The following ITPRID2 variants were observed in gnomAD, a reference collection of about 807,000 sequenced individuals.
ITPRID2 encodes protein ITPRID2.
ITPRID2 carries 60 observed loss-of-function variants against 124.3 expected under a neutral mutation model. The observed-to-expected ratio is 0.48, with a 90% CI of 0.39 to 0.60. The LOEUF (loss-of-function observed/expected upper bound fraction) is 0.60, where lower values mean the gene tolerates loss of function less well. ITPRID2 is among the 20% of genes least tolerant of loss of function. ITPRID2 has a pLI of 0.00. For missense variants in ITPRID2, 1,553 were observed against 1,512.2 expected, an observed-to-expected ratio of 1.03 and a Z score of -0.45; for synonymous variants, 521 against 542.9, an observed-to-expected ratio of 0.96 and a Z score of 0.56.
chr2:181,916,295 C>G lies in ITPRID2; in HGVS notation c.2655C>G (p.Phe885Leu). The change falls in exon 11 of 18, where the codon TTC becomes TTG. Residue 885 changes from phenylalanine (F) to leucine (L), a missense_variant. By Grantham distance (22) the Phe-to-Leu change is conservative. Transcript: ENST00000431877. ...GATCSAFASP[F>L]GCPYSHRHAT... ...CTTGTAGTGCCTTCGCTTCCCCTTT[C>G]GGGTGTCCTTACTCACATAGACATG... 6.2e-7 allele frequency: 1 copy of G among 1,614,204 alleles called. No individual in the cohort carries two copies. The highest frequency in any genetic ancestry group is 8.5e-7 in the Non-Finnish European group (1 of 1,180,034).
Position 181,910,122 on chromosome 2 carries a change from A to T in ITPRID2, c.1486+151A>T, listed in dbSNP as rs1693484881. 1.8e-6 allele frequency: 1 copy of T among 570,200 alleles called. No homozygotes were observed. The highest frequency in any genetic ancestry group is 3.6e-5 in the Admixed American group (1 of 27,724). 35.3% of individuals were successfully genotyped at this position (570,200 alleles called of 1,614,324 possible). A position where few individuals can be genotyped will look rare whatever the true frequency, so the allele number is the denominator to read the frequency against. ...AGGCATGATTCACTATTGTTTGTAG[A>T]ACTTTTTTTGTATTTTTTAAAAGAC... is the stretch of plus-strand genomic sequence containing the variant. On this transcript the variant is annotated intron_variant, in intron 9 of 17. Transcript: ENST00000431877. The surrounding 1 kb of genome is among the most constrained non-coding windows in gnomAD (Gnocchi z 4.1).
chr2:181,910,040 T>A lies in ITPRID2; in HGVS notation c.1486+69T>A. 2.6e-6 allele frequency: 3 copies of A among 1,175,118 alleles called. No homozygotes were observed. The highest frequency in any genetic ancestry group is 3.8e-6 in the Non-Finnish European group (3 of 796,224). The allele number at this position is 1,175,118 out of a possible 1,614,324, so 72.8% of individuals were successfully genotyped here. A position where few individuals can be genotyped will look rare whatever the true frequency, so the allele number is the denominator to read the frequency against. ...ATTAGTTGATTTGGAAAAGGGGTTT[T>A]ATGTATCAGTATTTGTAGTATTTAT... On this transcript the variant is annotated intron_variant, in intron 9 of 17. Coordinates refer to ENST00000431877, the MANE Select transcript of ITPRID2 (RefSeq NM_001130445.3). This position sits in a 1 kb window ranked among gnomAD's most constrained non-coding sequence, Gnocchi z 4.1.
Position 181,905,253 on chromosome 2 carries a change from G to A in ITPRID2, c.1413+2787G>A, listed in dbSNP as rs1468119170. On this transcript the variant is annotated intron_variant, in intron 8 of 17. Coordinates refer to ENST00000431877, the MANE Select transcript of ITPRID2 (RefSeq NM_001130445.3). The surrounding 1 kb of genome is among the most constrained non-coding windows in gnomAD (Gnocchi z 4.1). ...TTTAGTAGAGATGGGGTTTCACTAC[G>A]TTGGCCAGGCTGGTCTCAAACTCCT... Among the ~76,000 whole-genome samples, 1 of 151,852 alleles carries A rather than the reference G, an allele frequency of 6.6e-6. No homozygotes were observed. The highest frequency in any genetic ancestry group is 2.4e-5 in the African/African-American group (1 of 41,306).
intron 10 of ITPRID2, among the ~76,000 whole-genome samples, chr2:181,914,220 CTTA>C (rs1693851666): frequency 6.6e-6 from 1 of 151,928 alleles, no homozygotes; most frequent in African/African-American, 2.4e-5. Context: ...TGTTGTTTTT[CTTA>C]TTTTTTTAAC....
chr2:181,908,097 C>T (rs905527642), intron 8 of ITPRID2, among the ~76,000 whole-genome samples: 6 of 152,066 alleles, frequency 3.9e-5, no homozygotes, highest in Non-Finnish European at 7.4e-5. Context: ...CAGCCGGGTG[C>T]GGCGGCTCAC....
chr2:181,928,873 G>A (rs558624016), intron 17 of ITPRID2, among the ~76,000 whole-genome samples: 364 of 152,116 alleles, frequency 2.4e-3, no homozygotes, highest in African/African-American at 8.4e-3. Context: ...TGATCCGCCC[G>A]CCTCGGCCTC....
chr2:181,913,424 A>C (rs1007726805), intron 9 of ITPRID2, among the ~76,000 whole-genome samples: 4 of 152,178 alleles, frequency 2.6e-5, no homozygotes, highest in African/African-American at 9.7e-5. Flanking sequence ...TATGCTCTCT[A>C]TATGAACTTC....
chr2:181,906,769 A>G (rs988772008), intron 8 of ITPRID2, among the ~76,000 whole-genome samples: 44 of 152,178 alleles, frequency 2.9e-4, no homozygotes, highest in African/African-American at 9.9e-4. Context: ...AAAAATACGG[A>G]TATTTATCGC....
chr2:181,925,874 A>G (rs572513440), intron 16 of ITPRID2, among the ~76,000 whole-genome samples: 3 of 152,368 alleles, frequency 2.0e-5, no homozygotes, highest in African/African-American at 7.2e-5. Context: ...CATACCATGT[A>G]AAAGCTGCCA....
Position 181,896,916 on chromosome 2 carries a change from G to A in ITPRID2, c.316G>A (p.Val106Met), listed in dbSNP as rs776151061. The A allele has an allele frequency of 1.2e-6, 2 of 1,612,678 alleles. No individual in the cohort carries two copies. The highest frequency in any genetic ancestry group is 8.5e-7 in the Non-Finnish European group (1 of 1,178,888). Residue 106 changes from valine to methionine, a missense_variant, in exon 4 of 18, where the codon GTG (valine) becomes ATG (methionine). Coordinates refer to ENST00000431877, the MANE Select transcript of ITPRID2 (RefSeq NM_001130445.3). The surrounding 1 kb of genome is among the most constrained non-coding windows in gnomAD (Gnocchi z 4.3). Reference sequence around the variant, plus strand: ...TCAAATGTGTCTTTCAGGTGTGCTTGTGAGAAATGGAGGAAGTTTTGAAGA... The same window carrying A: ...TCAAATGTGTCTTTCAGGTGTGCTTATGAGAAATGGAGGAAGTTTTGAAGA... ...QSSSTLKGVL[V>M]RNGGSFEDDL...
At chr2:181,924,275 A>G (rs1694691270) in intron 16 of ITPRID2, among the ~76,000 whole-genome samples, 1 of 152,230 alleles carries the variant, frequency 6.6e-6, no homozygotes. Context: ...AATGCCAGTT[A>G]TAATTTAAAA....
chr2:181,896,077 A>C lies in ITPRID2; in HGVS notation c.305A>C (p.Lys102Thr). The change falls in exon 3 of 18, where the codon AAG becomes ACG. Residue 102 changes from lysine to threonine, a missense_variant and splice_region_variant. Physicochemically the swap from Lys to Thr is moderately conservative, Grantham distance 78 (BLOSUM62 -1). Coordinates refer to ENST00000431877, the MANE Select transcript of ITPRID2 (RefSeq NM_001130445.3). The surrounding 1 kb of genome is among the most constrained non-coding windows in gnomAD (Gnocchi z 4.3). ...GATGAACAAAGCAGTAGTACACTCA[A>C]GGGTAAGAGAAGGTTGCCTTTCTAA... ...SLDEQSSSTL[K>T]GVLVRNGGSF... is the part of the protein sequence containing the mutation. 1.2e-6 allele frequency: 2 copies of C among 1,612,672 alleles called. No individual in the cohort carries two copies. Among genetic ancestry groups the C allele is most frequent in the Non-Finnish European group, 1.7e-6 (2 of 1,178,802 alleles).
In ITPRID2 at chr2:181,891,919, C is replaced by CCCTCCTCCT. The variant is rs554422909; in HGVS notation, c.-133_-125dup. On this transcript the variant is annotated 5_prime_UTR_variant, in exon 1 of 18. Transcript: ENST00000431877. ...TTCCTTCCCTCCCTCCCTCCCTGTC[C>CCCTCCTCCT]CCTCCTCCTCCTCCTCCTCCTCCGG... is the stretch of plus-strand genomic sequence containing the variant. The CCCTCCTCCT allele has an allele frequency of 1.2e-5, 7 of 563,172 alleles. No individual in the cohort carries two copies. Among genetic ancestry groups the CCCTCCTCCT allele is most frequent in the South Asian group, 6.4e-5 (3 of 47,054 alleles). 34.9% of individuals were successfully genotyped at this position (563,172 alleles called of 1,614,324 possible).
intron 11 of ITPRID2, 116 bp downstream of exon 11, chr2:181,916,543 C>T (rs1694068915): frequency 7.8e-7 from 1 of 1,287,436 alleles, no homozygotes; most frequent in East Asian, 2.4e-5. Context: ...TATTTTCTGA[C>T]ATGTCTAAAC....
At chr2:181,921,727 A>C (rs538771483) in intron 15 of ITPRID2, among the ~76,000 whole-genome samples, 1 of 152,234 alleles carries the variant, frequency 6.6e-6, no homozygotes, top group Non-Finnish European at 1.5e-5. Flanking sequence ...TCATCCTACT[A>C]TGTATTCTGT....
chr2:181,927,371 C>A (rs944810248), intron 16 of ITPRID2, among the ~76,000 whole-genome samples: 3 of 152,126 alleles, frequency 2.0e-5, no homozygotes, highest in Non-Finnish European at 4.4e-5. Flanking sequence ...AAAAGTGATG[C>A]TGTATCATTA....
chr2:181,908,752 G>T (rs1427562791), intron 8 of ITPRID2, among the ~76,000 whole-genome samples: 1 of 151,810 alleles, frequency 6.6e-6, no homozygotes, highest in African/African-American at 2.4e-5. Flanking sequence ...TAAAAATGTT[G>T]GTTATTTCAC....
Position 181,928,275 on chromosome 2 carries a change from A to T in ITPRID2, c.*10A>T. The T allele has an allele frequency of 6.6e-7, 1 of 1,507,462 alleles. No homozygotes were observed. Among genetic ancestry groups the T allele is most frequent in the Non-Finnish European group, 8.9e-7 (1 of 1,120,974 alleles). 93.4% of individuals were successfully genotyped at this position (1,507,462 alleles called of 1,614,324 possible). ...GCAAGATTATCATTAAACAGAAATT[A>T]TAGGTAAATTTTTCTGAGTTTCTTT... On this transcript the variant is annotated 3_prime_UTR_variant, in exon 17 of 18. Transcript: ENST00000431877.
Position 181,930,375 on chromosome 2 carries a change from C to G in ITPRID2, c.*828C>G, listed in dbSNP as rs936301092. 1.3e-5 allele frequency: 2 copies of G among 152,156 alleles called. No individual in the cohort carries two copies. The highest frequency in any genetic ancestry group is 1.9e-4 in the East Asian group (1 of 5,182). The allele number at this position is 152,156 out of a possible 1,614,324, so 9.4% of individuals were successfully genotyped here. ...ATGAATAAGCTGGTGTTTGTTTTTTCAAAATGGAAGTAATTTAGATTTGTT... is the reference window on the plus strand; with the variant it reads ...ATGAATAAGCTGGTGTTTGTTTTTTGAAAATGGAAGTAATTTAGATTTGTT... On this transcript the variant is annotated 3_prime_UTR_variant, in exon 18 of 18. Transcript: ENST00000431877.
Sources: allele counts gnomAD v4.1 joint callset (sites outside exome capture counted in the v4.1 genomes callset), GRCh38; gene constraint gnomAD v4.1.1; non-coding constraint Gnocchi (gnomAD v3.1); transcripts MANE v1.5; gene names NCBI Gene and HGNC (gene_info 2026-07-23, HGNC 2026-07-21).